Variants in CNOT1 observed in about 807,000 individuals in gnomAD.
The protein encoded by CNOT1 is CCR4-associated factor 1.
In CNOT1, 15 loss-of-function variants were observed where a neutral mutation model predicts 273.8. The ratio of observed to expected loss-of-function variants is 0.05; its 90% CI spans 0.04 to 0.08. CNOT1 has a LOEUF of 0.08. Ranked by LOEUF, CNOT1 falls within the 10% of genes least tolerant of loss-of-function variation. CNOT1 has a pLI of 1.00. For missense variants in CNOT1, 1,644 were observed against 2,912.2 expected, an observed-to-expected ratio of 0.56 and a Z score of 10.02; for synonymous variants, 1,022 against 1,005.5, an observed-to-expected ratio of 1.02 and a Z score of -0.31.
chr16:58,557,216 A>G (rs947136489), intron 18 of CNOT1, among the ~76,000 whole-genome samples: 1 of 152,234 alleles, frequency 6.6e-6, no homozygotes, highest in Non-Finnish European at 1.5e-5. Context: ...AGCATCTGGA[A>G]TTATTTATAT....
chr16:58,528,420 A>G, intron 44 of CNOT1, 55 bp downstream of exon 44: 1 of 1,279,780 alleles, frequency 7.8e-7, no homozygotes, highest in Non-Finnish European at 1.1e-6. Flanking sequence ...TACTTATCAG[A>G]GAAAGGACTG....
chr16:58,550,745 A>G (rs2040423498), intron 24 of CNOT1, among the ~76,000 whole-genome samples: 1 of 152,220 alleles, frequency 6.6e-6, no homozygotes, highest in Non-Finnish European at 1.5e-5. Context: ...TCAAGGGTCA[A>G]CTATACTGTC....
chr16:58,529,902 A>T (rs141974985), intron 43 of CNOT1, among the ~76,000 whole-genome samples: 2 of 151,708 alleles, frequency 1.3e-5, no homozygotes, highest in Non-Finnish European at 2.9e-5. Flanking sequence ...TTCCATCCAC[A>T]ATGAGATCTC....
chr16:58,589,467 G>A (rs1205426148), intron 2 of CNOT1, among the ~76,000 whole-genome samples: 4 of 152,116 alleles, frequency 2.6e-5, no homozygotes, highest in Admixed American at 2.0e-4. Context: ...AGCTGAGATC[G>A]TGCCATTGTG....
chr16:58,611,866 T>C (rs2042913982), intron 1 of CNOT1, among the ~76,000 whole-genome samples: 1 of 152,098 alleles, frequency 6.6e-6, no homozygotes, highest in African/African-American at 2.4e-5. Context: ...TACTGTACTT[T>C]GATGCAATCT....
intron 8 of CNOT1, among the ~76,000 whole-genome samples, chr16:58,584,979 G>A (rs569169737): frequency 6.6e-6 from 1 of 152,020 alleles, no homozygotes; most frequent in Admixed American, 6.6e-5. Flanking sequence ...AGAGGGGTGG[G>A]GGTCAGAGAG....
chr16:58,521,362 A>G lies in CNOT1; in HGVS notation c.6918-45T>C, dbSNP rs2039360987. The G allele has an allele frequency of 3.2e-6, 5 of 1,548,490 alleles. No homozygotes were observed. The East Asian group carries it at 1.1e-4, about 35-fold the overall frequency. On this transcript the variant is annotated intron_variant, in intron 47 of 48. Coordinates refer to ENST00000317147, the MANE Select transcript of CNOT1 (RefSeq NM_016284.5). ...GCTAGTTAATGTATAGAAGCATACA[A>G]ATTCATGATTATTCTTCCATTACTT...
intron 2 of CNOT1, among the ~76,000 whole-genome samples, chr16:58,595,587 G>A (rs971659403): frequency 6.6e-6 from 1 of 152,122 alleles, no homozygotes; most frequent in South Asian, 2.1e-4. Flanking sequence ...TCAGGGTTGT[G>A]TTTACTTGGG....
intron 31 of CNOT1, chr16:58,543,143 A>T (rs942928251): frequency 7.3e-7 from 1 of 1,372,720 alleles, no homozygotes; most frequent in African/African-American, 1.5e-5. Context: ...TCATTAAAGC[A>T]GTAAACAAAT....
intron 1 of CNOT1, among the ~76,000 whole-genome samples, chr16:58,613,000 T>C (rs1021841538): frequency 5.9e-5 from 9 of 152,114 alleles, no homozygotes; most frequent in African/African-American, 2.2e-4. Flanking sequence ...AACTTTCAGA[T>C]AGTAAGTAGC....
rs549126227 is a variant in CNOT1, at chr16:58,527,098, C to A, written c.6454-960G>T. On this transcript the variant is annotated intron_variant, in intron 44 of 48. Coordinates refer to ENST00000317147, the MANE Select transcript of CNOT1 (RefSeq NM_016284.5). ...GGTGAGATTTTAAGTGGTCCTCTCT[C>A]TCCTTTATTCCAACAACTTACAAAA... Among the ~76,000 whole-genome samples the A allele has an allele frequency of 3.9e-5, 6 of 152,314 alleles. No individual in the cohort carries two copies. In the East Asian group the frequency reaches 1.2e-3, roughly 29 times the overall value.
chr16:58,529,840 CAAAAAAAAAAAAAAAAA>C (rs58854069), intron 43 of CNOT1, among the ~76,000 whole-genome samples: 5 of 69,396 alleles, frequency 7.2e-5, no homozygotes, highest in South Asian at 1.6e-3. Context: ...GACTCTGTCT[CAAAAAAAAAAAAAAAAA>C]AAAAAAAAAA....
At chr16:58,527,590 GTTA>G (rs746186961) in intron 44 of CNOT1, among the ~76,000 whole-genome samples, 5 of 151,928 alleles carry the variant, frequency 3.3e-5, no homozygotes, top group Non-Finnish European at 7.4e-5. Context: ...ATTTTAAAAA[GTTA>G]TTAATATAGT....
intron 46 of CNOT1, among the ~76,000 whole-genome samples, chr16:58,524,060 C>T (rs2039496518): frequency 6.6e-6 from 1 of 151,990 alleles, no homozygotes; most frequent in South Asian, 2.1e-4. Context: ...CCAGCGTGGC[C>T]AACATGGTGA....
At chr16:58,588,325 A>G (rs924148454) in intron 3 of CNOT1, among the ~76,000 whole-genome samples, 1 of 152,168 alleles carries the variant, frequency 6.6e-6, no homozygotes, top group Non-Finnish European at 1.5e-5. Flanking sequence ...GGAAATAAAA[A>G]AAGATGTAAA....
chr16:58,614,762 C>T (rs1277136694), intron 1 of CNOT1, among the ~76,000 whole-genome samples: 3 of 125,336 alleles, frequency 2.4e-5, no homozygotes, highest in South Asian at 2.3e-4. Flanking sequence ...CAGGATGGAG[C>T]GCAGTGGCCT....
intron 1 of CNOT1, among the ~76,000 whole-genome samples, chr16:58,627,530 G>A (rs557797141): frequency 6.6e-6 from 1 of 151,022 alleles, no homozygotes; most frequent in African/African-American, 2.4e-5. Flanking sequence ...AAGATGGCAA[G>A]CATTTCCATT....
chr16:58,544,329 T>A (rs886164623), intron 30 of CNOT1, among the ~76,000 whole-genome samples: 10 of 152,172 alleles, frequency 6.6e-5, no homozygotes, highest in Non-Finnish European at 1.2e-4. Context: ...ATCAGAATAG[T>A]GAGCATTTTA....
chr16:58,614,016 C>T (rs1401277193), intron 1 of CNOT1, among the ~76,000 whole-genome samples: 2 of 109,982 alleles, frequency 1.8e-5, no homozygotes, highest in South Asian at 2.6e-4. Flanking sequence ...GGCGTGAACC[C>T]GGGAGGCGGA....
Sources: allele counts gnomAD v4.1 joint callset (sites outside exome capture counted in the v4.1 genomes callset), GRCh38; gene constraint gnomAD v4.1.1; transcripts MANE v1.5; gene names NCBI Gene and HGNC (gene_info 2026-07-23, HGNC 2026-07-21).